Variants in DYNC2H1 observed in about 807,000 individuals in gnomAD.
DYNC2H1 encodes dynein cytoplasmic 2 heavy chain 1, also known as cytoplasmic dynein 2 heavy chain 1.
In DYNC2H1, 410 loss-of-function variants were observed where a neutral mutation model predicts 570.0. The ratio of observed to expected loss-of-function variants is 0.72; its 90% CI spans 0.66 to 0.78. The LOEUF is 0.78. Ranked by LOEUF, DYNC2H1 falls within the 30% of genes least tolerant of loss-of-function variation. The pLI is 0.00. For missense variants in DYNC2H1, 4,865 were observed against 5,046.4 expected (o/e 0.96, Z 1.09); for synonymous variants, 1,688 against 1,677.6 (o/e 1.01, Z -0.15).
Position 103,173,231 on chromosome 11 carries a change from T to C in DYNC2H1, c.5484T>C (p.Val1828=). ...SHPDNELIAE[V]ILYSEGFKDA... is the part of the protein sequence containing the mutation. ...CAGACAATGAGCTTATTGCAGAAGT[T>C]ATTCTCTATTCGGAAGGCTTTAAAG... The change falls in exon 35 of 89, where the codon GTT becomes GTC. Residue 1828 remains valine (V), a synonymous_variant. Transcript: ENST00000375735. 1.2e-6 allele frequency: 2 copies of C among 1,601,636 alleles called. No homozygotes were observed. The highest frequency in any genetic ancestry group is 1.7e-6 in the Non-Finnish European group (2 of 1,174,092).
At chr11:103,265,377 T>C (rs1591495104) in intron 70 of DYNC2H1, among the ~76,000 whole-genome samples, 1 of 152,230 alleles carries the variant, frequency 6.6e-6, no homozygotes, top group East Asian at 1.9e-4. Context: ...TTAAGTAAAA[T>C]TTTAAAAAAC....
At chr11:103,286,137 G>C (rs1866343033) in intron 73 of DYNC2H1, 118 bp from the exon 74 acceptor site, 2 of 1,339,630 alleles carry the variant, frequency 1.5e-6, no homozygotes, top group Admixed American at 2.1e-5. Flanking sequence ...GCAACACAAA[G>C]TAGAAGAGTA....
chr11:103,413,522 A>AT (rs1467896796), intron 84 of DYNC2H1, among the ~76,000 whole-genome samples: 1 of 152,166 alleles, frequency 6.6e-6, no homozygotes, highest in African/African-American at 2.4e-5. Context: ...CTGTACTGTA[A>AT]TTCTGATGTT....
In DYNC2H1 at chr11:103,245,214, T is replaced by G. The variant is rs1277162600; in HGVS notation, c.9919-37T>G. The G allele has an allele frequency of 2.8e-6, 4 of 1,413,254 alleles. No individual in the cohort carries two copies. Among genetic ancestry groups the G allele is most frequent in the Non-Finnish European group, 3.8e-6 (4 of 1,048,014 alleles). 87.5% of individuals were successfully genotyped at this position (1,413,254 alleles called of 1,614,324 possible). The stretch of plus-strand genomic sequence containing the variant: ...AGGATGTTTGTAAATATTAAAGTAA[T>G]TAAATAATTAATACGTATTCTTTTT... On this transcript the variant is annotated intron_variant, in intron 64 of 88. Transcript: ENST00000375735. The surrounding 1 kb of genome is among the most constrained non-coding windows in gnomAD (Gnocchi z 4.5).
rs1864006115 is a variant in DYNC2H1 at position 103,231,419 on chromosome 11, G to C, written c.9440+73G>C. 14 of 1,022,606 alleles carry C rather than the reference G, an allele frequency of 1.4e-5. No homozygotes were observed. The South Asian group carries it at 2.4e-4, about 17-fold the overall frequency. The allele number at this position is 1,022,606 out of a possible 1,614,324, so 63.3% of individuals were successfully genotyped here. On this transcript the variant is annotated intron_variant, in intron 60 of 88. Coordinates refer to ENST00000375735, the MANE Select transcript of DYNC2H1 (RefSeq NM_001377.3). Reference sequence around the variant, plus strand: ...CATTTGACATCTTGATTTCTTTCTTGTTTTGACTTTTAAGATTTAGACTCT... The same window carrying C: ...CATTTGACATCTTGATTTCTTTCTTCTTTTGACTTTTAAGATTTAGACTCT...
intron 17 of DYNC2H1, among the ~76,000 whole-genome samples, chr11:103,140,308 G>A (rs1363040215): frequency 6.6e-6 from 1 of 152,088 alleles, no homozygotes; most frequent in African/African-American, 2.4e-5. Context: ...TCCTAGGCTC[G>A]ATGGTCTTTA....
At chr11:103,411,245 TG>T (rs1430644367) in intron 84 of DYNC2H1, among the ~76,000 whole-genome samples, 1 of 152,122 alleles carries the variant, frequency 6.6e-6, no homozygotes, top group African/African-American at 2.4e-5. Context: ...GAGGTTTAGT[TG>T]GGGGTTACTC....
intron 78 of DYNC2H1, among the ~76,000 whole-genome samples, chr11:103,308,839 T>C (rs1232140964): frequency 6.6e-6 from 1 of 152,176 alleles, no homozygotes; most frequent in Non-Finnish European, 1.5e-5. Context: ...AATTATTTAA[T>C]TTTTTGCTGT....
At chr11:103,149,213 C>G (rs974168157) in intron 20 of DYNC2H1, among the ~76,000 whole-genome samples, 2 of 151,914 alleles carry the variant, frequency 1.3e-5, no homozygotes, top group Non-Finnish European at 2.9e-5. Flanking sequence ...ATACTATTAC[C>G]TTTAGAGTTA....
chr11:103,156,208 T>G (rs975228395), intron 25 of DYNC2H1, among the ~76,000 whole-genome samples, 180 bp from the exon 26 acceptor site: 6 of 151,994 alleles, frequency 3.9e-5, no homozygotes, highest in Non-Finnish European at 8.8e-5. Flanking sequence ...CTTACATGCT[T>G]TGATAAAATA....
At chr11:103,460,504 C>T (rs1944972884) in intron 87 of DYNC2H1, among the ~76,000 whole-genome samples, 1 of 150,814 alleles carries the variant, frequency 6.6e-6, no homozygotes, top group Non-Finnish European at 1.5e-5. Context: ...GTGGGCTGCA[C>T]TGACAGTAAA....
chr11:103,147,153 A>G (rs913869164), intron 18 of DYNC2H1, among the ~76,000 whole-genome samples: 2 of 152,230 alleles, frequency 1.3e-5, no homozygotes, highest in Non-Finnish European at 2.9e-5. Flanking sequence ...AGGATATGCC[A>G]GTTTAAAATT....
At chr11:103,187,116 A>G (rs1862101518) in intron 42 of DYNC2H1, among the ~76,000 whole-genome samples, 1 of 152,022 alleles carries the variant, frequency 6.6e-6, no homozygotes, top group Admixed American at 6.6e-5. Flanking sequence ...TTTTTGGCTG[A>G]AAACAGTCCT....
chr11:103,479,410 G>A lies in DYNC2H1; in HGVS notation c.*157G>A. On this transcript the variant is annotated 3_prime_UTR_variant, in exon 89 of 89. Transcript: ENST00000375735. Reference sequence around the variant, plus strand: ...ACTGAAATTTTAATGTGTAAAAGCAGCACTGTGCATCTTTTAAAGTAATAA... The same window carrying A: ...ACTGAAATTTTAATGTGTAAAAGCAACACTGTGCATCTTTTAAAGTAATAA... 1.4e-6 allele frequency: 1 copy of A among 692,692 alleles called. No individual in the cohort carries two copies. Among genetic ancestry groups the A allele is most frequent in the Non-Finnish European group, 2.1e-6 (1 of 468,736 alleles). The allele number at this position is 692,692 out of a possible 1,614,324, so 42.9% of individuals were successfully genotyped here.
intron 1 of DYNC2H1, among the ~76,000 whole-genome samples, chr11:103,111,797 G>A (rs770334829): frequency 6.6e-6 from 1 of 151,966 alleles, no homozygotes; most frequent in Non-Finnish European, 1.5e-5. Flanking sequence ...AAAATATTTT[G>A]TTATGTCTTC....
intron 52 of DYNC2H1, among the ~76,000 whole-genome samples, chr11:103,207,244 A>ATTT (rs1565396142): frequency 8.5e-4 from 6 of 7,038 alleles, no homozygotes; most frequent in East Asian, 5.8e-3. Flanking sequence ...TTTTTTTTTA[A>ATTT]AAAAAGATGG....
Position 103,289,140 on chromosome 11 carries a change from T to G in DYNC2H1, c.11095+1535T>G, listed in dbSNP as rs1447891379. Among the ~76,000 whole-genome samples, 1 of 152,162 alleles carries G rather than the reference T, an allele frequency of 6.6e-6. No individual in the cohort carries two copies. The highest frequency in any genetic ancestry group is 1.5e-5 in the Non-Finnish European group (1 of 68,020). On this transcript the variant is annotated intron_variant, in intron 75 of 88. Coordinates refer to ENST00000375735, the MANE Select transcript of DYNC2H1 (RefSeq NM_001377.3). The surrounding 1 kb of genome is among the most constrained non-coding windows in gnomAD (Gnocchi z 4.2). ...AAACCTCACTTCACCCCCACTGTGA[T>G]TCCATCTCCAATGTGACCAATCAGC...
At chr11:103,440,719 C>A (rs1466069660) in intron 85 of DYNC2H1, among the ~76,000 whole-genome samples, 1 of 152,086 alleles carries the variant, frequency 6.6e-6, no homozygotes, top group East Asian at 1.9e-4. Context: ...AATCTAGAAC[C>A]ACTTAGTGTT....
chr11:103,174,021 A>C (rs1333276613), intron 35 of DYNC2H1, 34 bp from the exon 36 acceptor site: 1 of 1,427,034 alleles, frequency 7.0e-7, no homozygotes, highest in Non-Finnish European at 9.7e-7. Flanking sequence ...TCTTCTAGCT[A>C]TTTGATGTGT....
Sources: allele counts gnomAD v4.1 joint callset (sites outside exome capture counted in the v4.1 genomes callset), GRCh38; gene constraint gnomAD v4.1.1; non-coding constraint Gnocchi (gnomAD v3.1); transcripts MANE v1.5; gene names NCBI Gene and HGNC (gene_info 2026-07-23, HGNC 2026-07-21).